Variants in LHFPL4 observed in about 807,000 individuals in gnomAD.
LHFPL4 encodes the protein LHFPL tetraspan subfamily member 4 protein.
In LHFPL4, 6 loss-of-function variants were observed where a neutral mutation model predicts 20.0. The observed-to-expected ratio is 0.30, with a 90% CI of 0.16 to 0.59. LHFPL4 has a LOEUF of 0.59. Among genes scored for constraint, LHFPL4 ranks in the 20% least tolerant of loss-of-function variants. LHFPL4 has a pLI of 0.88. For synonymous variants in LHFPL4, 129 were observed against 143.8 expected (o/e 0.90, Z 0.74); for missense variants, 215 against 331.2 (o/e 0.65, Z 2.72).
intron 2 of LHFPL4, among the ~76,000 whole-genome samples, chr3:9,532,398 T>C (rs1213666147): frequency 6.6e-6 from 1 of 152,032 alleles, no homozygotes; most frequent in East Asian, 1.9e-4. Flanking sequence ...CGGAGTACAG[T>C]GGTGTGATCA....
In LHFPL4 at chr3:9,512,118, G is replaced by C. The variant is rs762214051; in HGVS notation, c.407-5915C>G. Among the ~76,000 whole-genome samples, 12 of 152,164 alleles carry C rather than the reference G, an allele frequency of 7.9e-5. 1 individual carries two copies. Among genetic ancestry groups the C allele is most frequent in the Non-Finnish European group, 1.5e-4 (10 of 68,042 alleles). On this transcript the variant is annotated intron_variant, in intron 2 of 3. Transcript: ENST00000287585. ...TGGCTAATTATTTGTATTTTTAGTA[G>C]AGACGGGGTTTCAAGTGTTAGCCAG...
intron 2 of LHFPL4, among the ~76,000 whole-genome samples, chr3:9,511,879 C>A (rs1293982217): frequency 6.6e-6 from 1 of 151,870 alleles, no homozygotes; most frequent in African/African-American, 2.4e-5. Flanking sequence ...GGGAAACACA[C>A]CCCAATTTGT....
chr3:9,513,083 C>T (rs1046029062), intron 2 of LHFPL4, among the ~76,000 whole-genome samples: 1 of 151,966 alleles, frequency 6.6e-6, no homozygotes, highest in Non-Finnish European at 1.5e-5. Flanking sequence ...CCTCAGCCTC[C>T]CGAGTAGCTG....
rs1181508646 is a variant in LHFPL4 at position 9,501,337 on chromosome 3, C to T, written c.*874G>A. 6.5e-6 allele frequency: 1 copy of T among 152,816 alleles called. No homozygotes were observed. The highest frequency in any genetic ancestry group is 2.4e-5 in the African/African-American group (1 of 41,456). The allele number at this position is 152,816 out of a possible 1,614,324, so 9.5% of individuals were successfully genotyped here. ...ACAGGGCCAAGAAGTCTGTGCTGTA[C>T]AAAACAGGCCAGGGTCAAGGGTCCA... On this transcript the variant is annotated 3_prime_UTR_variant, in exon 4 of 4. Coordinates refer to ENST00000287585, the MANE Select transcript of LHFPL4 (RefSeq NM_198560.3).
chr3:9,517,808 G>GTTTTTTTTTTTTGC (rs2046313683), intron 2 of LHFPL4, among the ~76,000 whole-genome samples: 1 of 116,712 alleles, frequency 8.6e-6, no homozygotes, highest in Non-Finnish European at 1.8e-5. Flanking sequence ...TTTGTTTTTT[G>GTTTTTTTTTTTTGC]TTTTTTTTTT....
intron 3 of LHFPL4, 123 bp from the exon 4 acceptor site, chr3:9,502,434 G>C: frequency 1.4e-6 from 1 of 709,488 alleles, no homozygotes; most frequent in Non-Finnish European, 2.5e-6. Context: ...GGGCGCGGTG[G>C]CTGACGCCTG....
At chr3:9,547,149 C>T (rs987613419) in intron 2 of LHFPL4, among the ~76,000 whole-genome samples, 2 of 152,118 alleles carry the variant, frequency 1.3e-5, no homozygotes, top group Admixed American at 1.3e-4. Context: ...CCACCACATC[C>T]GGCTAATTTT....
rs747773050 is a variant in LHFPL4, at chr3:9,505,948, C to T, written c.643+19G>A. 6.8e-6 allele frequency: 11 copies of T among 1,610,504 alleles called. No homozygotes were observed. The Admixed American group carries it at 1.3e-4, about 20-fold the overall frequency. On this transcript the variant is annotated intron_variant, in intron 3 of 3. Transcript: ENST00000287585. ...AGGCCTGGCTCCCGCCGCTGCCCCCCAGCCCACAGCACACTCGCCTTTGTT... is the reference window on the plus strand; with the variant it reads ...AGGCCTGGCTCCCGCCGCTGCCCCCTAGCCCACAGCACACTCGCCTTTGTT...
intron 2 of LHFPL4, among the ~76,000 whole-genome samples, chr3:9,542,652 T>A (rs1179924726): frequency 6.6e-6 from 1 of 151,490 alleles, no homozygotes. Context: ...ACCAAAGTTT[T>A]AAAAAAATTA....
intron 2 of LHFPL4, among the ~76,000 whole-genome samples, chr3:9,526,081 G>A (rs1195812682): frequency 6.6e-6 from 1 of 152,178 alleles, no homozygotes; most frequent in South Asian, 2.1e-4. Flanking sequence ...ATACAACATG[G>A]AGGAATCCTG....
At position 9,528,814 on chromosome 3, in the gene LHFPL4, C is replaced by T. The variant is rs142515711; in HGVS notation, c.407-22611G>A. Among the ~76,000 whole-genome samples the T allele has an allele frequency of 8.1e-3, 1,232 of 151,944 alleles. 7 individuals carry two copies. Among genetic ancestry groups the T allele is most frequent in the Non-Finnish European group, 0.013 (914 of 67,950 alleles). On this transcript the variant is annotated intron_variant, in intron 2 of 3. Transcript: ENST00000287585. ...ATTTTTAGTAGAGATGGGGTTTCAC[C>T]GTGTTAGCCAGGCTCGTCTTGAACT...
chr3:9,552,748 G>C lies in LHFPL4; in HGVS notation c.-69C>G. On this transcript the variant is annotated 5_prime_UTR_variant, in exon 2 of 4. Coordinates refer to ENST00000287585, the MANE Select transcript of LHFPL4 (RefSeq NM_198560.3). ...CCGCCGGCCCGGGACGGAGCGCCGG[G>C]CTGCCGGGCGGGAGCTGGGGACGCA... is the stretch of plus-strand genomic sequence containing the variant. The C allele has an allele frequency of 1.0e-6, 1 of 983,584 alleles. No homozygotes were observed. The highest frequency in any genetic ancestry group is 1.3e-6 in the Non-Finnish European group (1 of 796,886). The allele number at this position is 983,584 out of a possible 1,614,324, so 60.9% of individuals were successfully genotyped here.
intron 2 of LHFPL4, among the ~76,000 whole-genome samples, chr3:9,542,446 T>A (rs2046482833): frequency 6.6e-6 from 1 of 152,120 alleles, no homozygotes; most frequent in Admixed American, 6.5e-5. Flanking sequence ...AAATGAAATA[T>A]TGATATGTGC....
At chr3:9,513,686 C>T (rs142882674) in intron 2 of LHFPL4, among the ~76,000 whole-genome samples, 180 of 152,296 alleles carry the variant, frequency 1.2e-3, no homozygotes, top group African/African-American at 4.3e-3. Context: ...GCAGTCGAAC[C>T]TAGTCCTAAC....
chr3:9,522,079 C>A (rs1174073401), intron 2 of LHFPL4, among the ~76,000 whole-genome samples: 4 of 152,024 alleles, frequency 2.6e-5, no homozygotes, highest in Non-Finnish European at 5.9e-5. Context: ...CTAAAGTTTG[C>A]AATATACATT....
At position 9,505,744 on chromosome 3, in the gene LHFPL4, G is replaced by A. The variant is rs73130136; in HGVS notation, c.643+223C>T. On this transcript the variant is annotated intron_variant, in intron 3 of 3. Transcript: ENST00000287585. ...CAGCCCAGTTTTTGTATTTTTTTAG[G>A]GAGGGGATTTCACCATGTTGACCAG... 2.9e-3 allele frequency among the ~76,000 whole-genome samples: 444 copies of A among 151,394 alleles called. 1 individual carries two copies. Among genetic ancestry groups the A allele is most frequent in the African/African-American group, 0.01 (419 of 41,282 alleles).
At chr3:9,535,343 G>A (rs1223587169) in intron 2 of LHFPL4, among the ~76,000 whole-genome samples, 1 of 152,130 alleles carries the variant, frequency 6.6e-6, no homozygotes, top group East Asian at 1.9e-4. Flanking sequence ...TTTTACAGAT[G>A]AGGACACTGA....
At position 9,527,809 on chromosome 3, in the gene LHFPL4, AACACACACACACAC is replaced by A. The variant is rs58489008; in HGVS notation, c.407-21620_407-21607del. ...TGTACAAATTAATTTTTCAAATACAAACACACACACACACACACACACACACACACACACACACA... is the reference window on the plus strand; with the variant it reads ...TGTACAAATTAATTTTTCAAATACAAACACACACACACACACACACACACA... On this transcript the variant is annotated intron_variant, in intron 2 of 3. Transcript: ENST00000287585. Among the ~76,000 whole-genome samples the A allele has an allele frequency of 2.3e-3, 327 of 143,194 alleles. 1 individual carries two copies. Among genetic ancestry groups the A allele is most frequent in the African/African-American group, 7.1e-3 (273 of 38,266 alleles). 93.9% of individuals were successfully genotyped at this position (143,194 alleles called of 152,430 possible).
chr3:9,538,304 A>G (rs1262919201), intron 2 of LHFPL4, among the ~76,000 whole-genome samples: 3 of 152,068 alleles, frequency 2.0e-5, no homozygotes, highest in Non-Finnish European at 4.4e-5. Context: ...GTGATTGTCC[A>G]TCATCTAGGA....
Sources: gnomAD v4.1 joint callset for allele counts (sites outside exome capture counted in the v4.1 genomes callset) on GRCh38, gnomAD v4.1.1 for gene constraint, MANE v1.5 for transcripts, NCBI Gene and HGNC (gene_info 2026-07-23, HGNC 2026-07-21) for gene names.